KIF26B: variants seen among roughly 807,000 people sequenced by gnomAD.
KIF26B encodes kinesin-like protein KIF26B.
Under a neutral mutation model 151.2 loss-of-function variants are expected in KIF26B, and 63 were observed. That is an observed-to-expected ratio of 0.42 (90% confidence interval 0.34 to 0.51). The LOEUF is 0.51. KIF26B is among the 20% of genes least tolerant of loss of function. The pLI is 0.07. For missense variants in KIF26B, 2,813 were observed against 2,913.6 expected (o/e 0.97, Z 0.79); for synonymous variants, 1,357 against 1,262.1 (o/e 1.08, Z -1.59).
chr1:245,291,324 A>G (rs2102973185), intron 2 of KIF26B, among the ~76,000 whole-genome samples: 1 of 152,356 alleles, frequency 6.6e-6, no homozygotes, highest in African/African-American at 2.4e-5. Context: ...TTCTTGGCAT[A>G]GTGTAGGTAC....
chr1:245,327,985 G>C (rs1672027228), intron 2 of KIF26B, among the ~76,000 whole-genome samples: 1 of 152,188 alleles, frequency 6.6e-6, no homozygotes, highest in African/African-American at 2.4e-5. Context: ...CACTTAGCCA[G>C]TGTGAAGGGA....
intron 4 of KIF26B, among the ~76,000 whole-genome samples, chr1:245,510,432 T>C (rs1660807239): frequency 6.6e-6 from 1 of 152,212 alleles, no homozygotes; most frequent in African/African-American, 2.4e-5. Flanking sequence ...TGGCTAAATG[T>C]GTACAGGGAT....
intron 2 of KIF26B, among the ~76,000 whole-genome samples, chr1:245,356,199 G>A (rs1672694150): frequency 6.6e-6 from 1 of 152,126 alleles, no homozygotes. Flanking sequence ...CTAAAGTGTA[G>A]CAGAAACAAG....
chr1:245,224,410 A>G (rs1406145716), intron 2 of KIF26B, among the ~76,000 whole-genome samples: 1 of 152,248 alleles, frequency 6.6e-6, no homozygotes, highest in Non-Finnish European at 1.5e-5. Context: ...TTGCCAGCCA[A>G]GCTAGCTGCT....
chr1:245,278,516 C>G (rs1670979056), intron 2 of KIF26B, among the ~76,000 whole-genome samples: 2 of 152,172 alleles, frequency 1.3e-5, no homozygotes. Flanking sequence ...TGAACAGTTC[C>G]TTTCCTGAAT....
At chr1:245,385,298 T>C (rs1222995506) in intron 3 of KIF26B, among the ~76,000 whole-genome samples, 2 of 152,222 alleles carry the variant, frequency 1.3e-5, no homozygotes, top group African/African-American at 4.8e-5. Context: ...ACTAATAGAC[T>C]AAGTGGAAAA....
chr1:245,225,336 T>A (rs1452698322), intron 2 of KIF26B, among the ~76,000 whole-genome samples: 2 of 152,168 alleles, frequency 1.3e-5, no homozygotes, highest in Non-Finnish European at 2.9e-5. Flanking sequence ...TTTCCCATAG[T>A]ATTAGTATCT....
At chr1:245,541,570 G>C (rs1174918908) in intron 5 of KIF26B, among the ~76,000 whole-genome samples, 1 of 152,206 alleles carries the variant, frequency 6.6e-6, no homozygotes, top group African/African-American at 2.4e-5. Flanking sequence ...CGAGGAAAGC[G>C]TTTGGGTGAA....
At chr1:245,298,475 A>G (rs981941479) in intron 2 of KIF26B, among the ~76,000 whole-genome samples, 1 of 152,208 alleles carries the variant, frequency 6.6e-6, no homozygotes, top group Non-Finnish European at 1.5e-5. Flanking sequence ...AGAAAGTAGA[A>G]TAGAGGTTGC....
chr1:245,298,929 G>A (rs1671381185), intron 2 of KIF26B, among the ~76,000 whole-genome samples: 1 of 152,134 alleles, frequency 6.6e-6, no homozygotes, highest in Admixed American at 6.5e-5. Context: ...TTTCACAGTT[G>A]ATTGGGTAAG....
At chr1:245,680,766 TCA>T (rs2044424020) in intron 10 of KIF26B, among the ~76,000 whole-genome samples, 1 of 152,234 alleles carries the variant, frequency 6.6e-6, no homozygotes, top group Admixed American at 6.5e-5. Flanking sequence ...TACAGCGGTT[TCA>T]CAGTCATTCT....
intron 2 of KIF26B, among the ~76,000 whole-genome samples, chr1:245,236,063 G>T (rs3008470): frequency 2.0e-5 from 3 of 151,940 alleles, no homozygotes; most frequent in Non-Finnish European, 4.4e-5. Flanking sequence ...CCGAGTAGCT[G>T]GGACTACAGG....
intron 4 of KIF26B, among the ~76,000 whole-genome samples, chr1:245,430,118 C>T (rs1658743464): frequency 1.3e-5 from 2 of 152,094 alleles, no homozygotes; most frequent in South Asian, 2.1e-4. Flanking sequence ...GGGAAATGTT[C>T]TTTCTTTGTG....
At chr1:245,232,861 T>G (rs1670026956) in intron 2 of KIF26B, among the ~76,000 whole-genome samples, 1 of 152,210 alleles carries the variant, frequency 6.6e-6, no homozygotes, top group Non-Finnish European at 1.5e-5. Flanking sequence ...TTTCCTTCCT[T>G]TCCTCCAAAG....
rs147084769 is a variant in KIF26B, at chr1:245,618,579, C to G, written c.2098+6603C>G. Among the ~76,000 whole-genome samples the G allele has an allele frequency of 4.2e-3, 625 of 149,572 alleles. 5 individuals carry two copies. The highest frequency in any genetic ancestry group is 8.0e-3 in the Admixed American group (121 of 15,074). ...GTGTCTGCTGTGTGCTGTTTGTGAG[C>G]TTGTCCAAGCCCTATTAGACTATAG... On this transcript the variant is annotated intron_variant, in intron 9 of 14. Transcript: ENST00000407071.
At chr1:245,632,684 A>G (rs2043793756) in intron 9 of KIF26B, among the ~76,000 whole-genome samples, 1 of 152,156 alleles carries the variant, frequency 6.6e-6, no homozygotes, top group African/African-American at 2.4e-5. Context: ...AAGGCGGGCC[A>G]ATCACTTGAG....
chr1:245,517,827 T>C (rs1016603113), intron 4 of KIF26B, among the ~76,000 whole-genome samples: 2 of 151,732 alleles, frequency 1.3e-5, no homozygotes, highest in African/African-American at 4.8e-5. Context: ...GGCATGATTC[T>C]CTGTGTATGC....
At chr1:245,277,573 T>G (rs1670961850) in intron 2 of KIF26B, among the ~76,000 whole-genome samples, 1 of 152,072 alleles carries the variant, frequency 6.6e-6, no homozygotes, top group Non-Finnish European at 1.5e-5. Flanking sequence ...CCAAAACAAG[T>G]TTTAGATAAG....
In KIF26B at chr1:245,488,697, G is replaced by A. The variant is rs937463077; in HGVS notation, c.1167-52070G>A. ...GGGTCCGGGTTGTAATGGAGACTTA[G>A]AGTTGAGTGAAGCATTTTAGCTTTA... is the stretch of plus-strand genomic sequence containing the variant. On this transcript the variant is annotated intron_variant, in intron 4 of 14. Coordinates refer to ENST00000407071, the MANE Select transcript of KIF26B (RefSeq NM_018012.4). The surrounding 1 kb of genome is among the most constrained non-coding windows in gnomAD (Gnocchi z 4.6). Among the ~76,000 whole-genome samples the A allele has an allele frequency of 1.3e-5, 2 of 152,152 alleles. No individual in the cohort carries two copies. The highest frequency in any genetic ancestry group is 6.5e-5 in the Admixed American group (1 of 15,272).
Sources: gnomAD v4.1 joint callset for allele counts (sites outside exome capture counted in the v4.1 genomes callset) on GRCh38, gnomAD v4.1.1 for gene constraint, Gnocchi (gnomAD v3.1) non-coding constraint, MANE v1.5 for transcripts, NCBI Gene and HGNC (gene_info 2026-07-23, HGNC 2026-07-21) for gene names.